The following PCDHGA4 variants were observed in gnomAD, a reference collection of about 807,000 sequenced individuals.
The protein encoded by PCDHGA4 is protocadherin gamma-A4.
PCDHGA4 carries 38 observed loss-of-function variants against 54.6 expected under a neutral mutation model. The observed-to-expected ratio is 0.70, with a 90% CI of 0.54 to 0.91. The LOEUF (loss-of-function observed/expected upper bound fraction) is 0.91. Ranked by LOEUF, PCDHGA4 falls within the 40% of genes least tolerant of loss-of-function variation. The pLI, the probability that PCDHGA4 is intolerant of heterozygous loss-of-function variation, is 0.00. For synonymous variants in PCDHGA4, 511 were observed against 512.9 expected, an observed-to-expected ratio of 1.00 and a Z score of 0.05; for missense variants, 1,298 against 1,220.9, an observed-to-expected ratio of 1.06 and a Z score of -0.94.
chr5:141,370,405 G>T, intron 1 of PCDHGA4: 3 of 1,559,818 alleles, frequency 1.9e-6, no homozygotes, highest in Non-Finnish European at 2.6e-6. Flanking sequence ...ATGGGAAATA[G>T]CTCCGGATGG....
intron 1 of PCDHGA4, chr5:141,421,202 C>A: frequency 1.3e-6 from 2 of 1,519,344 alleles, no homozygotes; most frequent in Non-Finnish European, 1.8e-6. Flanking sequence ...CTCGAGAAAC[C>A]GCGGAATATC....
chr5:141,463,142 C>T (rs1229364880), intron 1 of PCDHGA4, among the ~76,000 whole-genome samples: 1 of 152,160 alleles, frequency 6.6e-6, no homozygotes, highest in Non-Finnish European at 1.5e-5. Context: ...CTTCGCCCAG[C>T]TGCAGAAAAG....
At position 141,431,580 on chromosome 5, in the gene PCDHGA4, A is replaced by G. The variant is rs777990962; in HGVS notation, c.2515-63227A>G. ...GCTACCGACCCTGACGAAGGAGTCA[A>G]TGCGGAAGTGAGGTATTCCTTCCGG... On this transcript the variant is annotated intron_variant, in intron 1 of 3. Coordinates refer to ENST00000571252, the MANE Select transcript of PCDHGA4 (RefSeq NM_018917.4). The surrounding 1 kb of genome is among the most constrained non-coding windows in gnomAD (Gnocchi z 4.8). 1.2e-5 allele frequency: 19 copies of G among 1,614,098 alleles called. No homozygotes were observed. Among genetic ancestry groups the G allele is most frequent in the Non-Finnish European group, 1.5e-5 (18 of 1,180,040 alleles).
At chr5:141,479,620 G>A (rs2099501211) in intron 1 of PCDHGA4, 2 of 152,192 alleles carry the variant, frequency 1.3e-5, no homozygotes, top group African/African-American at 4.8e-5. Context: ...GGGAAACCAT[G>A]TCTCTTTAAC....
intron 2 of PCDHGA4, among the ~76,000 whole-genome samples, chr5:141,502,024 C>T (rs2099812413): frequency 2.0e-5 from 3 of 152,152 alleles, no homozygotes; most frequent in Admixed American, 1.3e-4. Context: ...TCCCTGCAAC[C>T]CCCGCCGCTT....
At chr5:141,465,831 T>A (rs997004387) in intron 1 of PCDHGA4, among the ~76,000 whole-genome samples, 1 of 151,980 alleles carries the variant, frequency 6.6e-6, no homozygotes, top group African/African-American at 2.4e-5. Context: ...TTGTTTAAAA[T>A]TTCAACTGAG....
At position 141,431,851 on chromosome 5, in the gene PCDHGA4, A is replaced by G. The variant is rs2097423722; in HGVS notation, c.2515-62956A>G. 1 of 1,614,264 alleles carries G rather than the reference A, an allele frequency of 6.2e-7. No individual in the cohort carries two copies. The highest frequency in any genetic ancestry group is 1.1e-5 in the South Asian group (1 of 91,088). ...TTCCCGAAAACTCTCCCAGAGGGAC[A>G]TTAATTGCCCTTTTAAATGTAAATG... On this transcript the variant is annotated intron_variant, in intron 1 of 3. Coordinates refer to ENST00000571252, the MANE Select transcript of PCDHGA4 (RefSeq NM_018917.4). This position sits in a 1 kb window ranked among gnomAD's most constrained non-coding sequence, Gnocchi z 4.8.
At chr5:141,372,698 C>A in intron 1 of PCDHGA4, 1 of 1,613,986 alleles carries the variant, frequency 6.2e-7, no homozygotes, top group Non-Finnish European at 8.5e-7. Context: ...TTAAATTTCT[C>A]AATATAAAGG....
chr5:141,382,674 C>G (rs951969894), intron 1 of PCDHGA4: 43 of 436,018 alleles, frequency 9.9e-5, no homozygotes, highest in African/African-American at 8.4e-4. Context: ...CCGCTGTTCA[C>G]CAACCAGGGA....
rs1328871348 is a variant in PCDHGA4 at position 141,361,436 on chromosome 5, C to T, written c.2514+3815C>T. ...GACGGGGGCAAGCCGCCCCTCTCCTCCAGCATAATTGTCACCCTGCACATC... is the reference window on the plus strand; with the variant it reads ...GACGGGGGCAAGCCGCCCCTCTCCTTCAGCATAATTGTCACCCTGCACATC... On this transcript the variant is annotated intron_variant, in intron 1 of 3. Transcript: ENST00000571252. 5 of 1,613,930 alleles carry T rather than the reference C, an allele frequency of 3.1e-6. No individual in the cohort carries two copies. In the South Asian group the frequency reaches 5.5e-5, roughly 18 times the overall value.
intron 1 of PCDHGA4, chr5:141,360,825 CA>C (rs765723429): frequency 1.9e-6 from 3 of 1,613,960 alleles, no homozygotes; most frequent in Non-Finnish European, 2.5e-6. Flanking sequence ...AAATCCGAAT[CA>C]AAGTCACGGA....
chr5:141,379,889 CTTTTTTTTTTT>C (rs70988800), intron 1 of PCDHGA4, among the ~76,000 whole-genome samples: 218 of 50,846 alleles, frequency 4.3e-3, no homozygotes, highest in African/African-American at 5.5e-3. Flanking sequence ...GTGAAAGCCT[CTTTTTTTTTTT>C]TTTTTTTTTT....
At chr5:141,488,268 C>T (rs1371050827) in intron 1 of PCDHGA4, among the ~76,000 whole-genome samples, 1 of 152,170 alleles carries the variant, frequency 6.6e-6, no homozygotes, top group East Asian at 1.9e-4. Context: ...GCGGGTTGGT[C>T]ATCACCTTTG....
chr5:141,399,330 A>T, intron 1 of PCDHGA4: 1 of 1,613,994 alleles, frequency 6.2e-7, no homozygotes, highest in Non-Finnish European at 8.5e-7. Flanking sequence ...ATAAGTTGGT[A>T]ACAGATGGAA....
rs2099748976 is a variant in PCDHGA4, at chr5:141,493,566, C to G, written c.2515-1241C>G. Among the ~76,000 whole-genome samples, 1 of 152,168 alleles carries G rather than the reference C, an allele frequency of 6.6e-6. No individual in the cohort carries two copies. Among genetic ancestry groups the G allele is most frequent in the African/African-American group, 2.4e-5 (1 of 41,436 alleles). ...TTTTGGAGATTGAGTTCCCCCAGCT[C>G]CGTTTCCTCCTATCACAATCACTGC... is the stretch of plus-strand genomic sequence containing the variant. On this transcript the variant is annotated intron_variant, in intron 1 of 3. Transcript: ENST00000571252. The surrounding 1 kb of genome is among the most constrained non-coding windows in gnomAD (Gnocchi z 4.3).
rs749095017 is a variant in PCDHGA4, at chr5:141,489,455, G to A, written c.2515-5352G>A. 1 of 1,614,042 alleles carries A rather than the reference G, an allele frequency of 6.2e-7. No homozygotes were observed. ...CTGCAATTGGGCTCTGAGGAGAATGGGCGCTATTTTTCCCTGAGCTTGATG... is the reference window on the plus strand; with the variant it reads ...CTGCAATTGGGCTCTGAGGAGAATGAGCGCTATTTTTCCCTGAGCTTGATG... On this transcript the variant is annotated intron_variant, in intron 1 of 3. Coordinates refer to ENST00000571252, the MANE Select transcript of PCDHGA4 (RefSeq NM_018917.4). This position sits in a 1 kb window ranked among gnomAD's most constrained non-coding sequence, Gnocchi z 4.5.
chr5:141,389,361 G>T (rs1460945767), intron 1 of PCDHGA4: 1 of 1,613,880 alleles, frequency 6.2e-7, no homozygotes, highest in South Asian at 1.1e-5. Context: ...CATGGCCAGT[G>T]ACCTGGAGCA....
At position 141,430,258 on chromosome 5, in the gene PCDHGA4, A is replaced by G. The variant is rs542653323; in HGVS notation, c.2515-64549A>G. On this transcript the variant is annotated intron_variant, in intron 1 of 3. Coordinates refer to ENST00000571252, the MANE Select transcript of PCDHGA4 (RefSeq NM_018917.4). ...GAGAAACTCCTAGGGAGACATCTCC[A>G]TAATAGGTGTGTTGGGGGAACAGTA... is the stretch of plus-strand genomic sequence containing the variant. Among the ~76,000 whole-genome samples the G allele has an allele frequency of 5.4e-5, 8 of 148,074 alleles. No homozygotes were observed. In the South Asian group the frequency reaches 8.5e-4, roughly 16 times the overall value.
chr5:141,394,433 G>A lies in PCDHGA4; in HGVS notation c.2514+36812G>A, dbSNP rs1180818373. ...TAACAGCCAGCGACAGCGGGGACCC[G>A]CCCCTCAGCAGCAACATGTCACTGA... On this transcript the variant is annotated intron_variant, in intron 1 of 3. Coordinates refer to ENST00000571252, the MANE Select transcript of PCDHGA4 (RefSeq NM_018917.4). 3.7e-6 allele frequency: 6 copies of A among 1,614,088 alleles called. No homozygotes were observed. The East Asian group carries it at 8.9e-5, about 24-fold the overall frequency.
Sources: gnomAD v4.1 joint callset for allele counts (sites outside exome capture counted in the v4.1 genomes callset) on GRCh38, gnomAD v4.1.1 for gene constraint, Gnocchi (gnomAD v3.1) non-coding constraint, MANE v1.5 for transcripts, NCBI Gene and HGNC (gene_info 2026-07-23, HGNC 2026-07-21) for gene names.